The following CADPS2 variants were observed in gnomAD, a reference collection of about 807,000 sequenced individuals.
CADPS2 encodes calcium dependent secretion activator 2.
In CADPS2, 93 loss-of-function variants were observed where a neutral mutation model predicts 172.5. That is an observed-to-expected ratio of 0.54 (90% CI 0.46 to 0.64). The LOEUF is 0.64. CADPS2 is among the 30% of genes least tolerant of loss of function. The probability of loss-of-function intolerance (pLI) is 0.00; values close to 1 mark genes in which losing one functional copy is unlikely to be tolerated. For missense variants in CADPS2, 1,420 were observed against 1,565.9 expected (o/e 0.91, Z 1.57); for synonymous variants, 546 against 555.2 (o/e 0.98, Z 0.23).
At chr7:122,346,971 T>C (rs1347154528) in intron 27 of CADPS2, among the ~76,000 whole-genome samples, 1 of 152,190 alleles carries the variant, frequency 6.6e-6, no homozygotes, top group Non-Finnish European at 1.5e-5. Context: ...TAACTATCTA[T>C]CACTAGGTAG....
intron 1 of CADPS2, among the ~76,000 whole-genome samples, chr7:122,865,932 AAAG>A (rs1818200692): frequency 6.6e-6 from 1 of 152,230 alleles, no homozygotes; most frequent in Non-Finnish European, 1.5e-5. Flanking sequence ...GAAGTACTGT[AAAG>A]ACTAAAGTCT....
chr7:122,432,647 A>AAAAT (rs1563323839), intron 17 of CADPS2, among the ~76,000 whole-genome samples: 1 of 150,624 alleles, frequency 6.6e-6, no homozygotes, highest in Non-Finnish European at 1.5e-5. Flanking sequence ...TTAAAATAAA[A>AAAAT]AAAAAAAAAA....
chr7:122,711,359 T>A (rs560480472), intron 2 of CADPS2, among the ~76,000 whole-genome samples: 2 of 152,244 alleles, frequency 1.3e-5, no homozygotes, highest in South Asian at 2.1e-4. Flanking sequence ...TCTCAAGATA[T>A]TTAAATATAG....
chr7:122,477,104 T>C (rs568173342), intron 12 of CADPS2, among the ~76,000 whole-genome samples: 1 of 146,480 alleles, frequency 6.8e-6, no homozygotes, highest in Admixed American at 6.8e-5. Flanking sequence ...GGTAGGTAGA[T>C]AGGCTGTGTT....
intron 1 of CADPS2, among the ~76,000 whole-genome samples, chr7:122,813,325 T>C (rs1800510418): frequency 6.6e-6 from 1 of 152,148 alleles, no homozygotes; most frequent in African/African-American, 2.4e-5. Flanking sequence ...TAATTTTCTA[T>C]ACAAGTCCAA....
At chr7:122,702,678 G>C (rs886169027) in intron 2 of CADPS2, 1 of 1,612,924 alleles carries the variant, frequency 6.2e-7, no homozygotes, top group Admixed American at 1.7e-5. Flanking sequence ...CTAAGTAGTA[G>C]AAAGATACTA....
rs1037481947 is a variant in CADPS2, at chr7:122,631,934, G to T, written c.787-2606C>A. ...TTAGCTTTCATTTATAAGTGAGAAT[G>T]TGTGATATTTGGTTTTATGTTAAGG... is the stretch of plus-strand genomic sequence containing the variant. On this transcript the variant is annotated intron_variant, in intron 3 of 29. Coordinates refer to ENST00000449022, the MANE Select transcript of CADPS2 (RefSeq NM_017954.11). Among the ~76,000 whole-genome samples the T allele has an allele frequency of 3.9e-5, 6 of 152,120 alleles. No individual in the cohort carries two copies. In the South Asian group the frequency reaches 1.2e-3, roughly 32 times the overall value.
chr7:122,699,851 T>A (rs1588521712), intron 2 of CADPS2, among the ~76,000 whole-genome samples: 1 of 152,204 alleles, frequency 6.6e-6, no homozygotes, highest in Non-Finnish European at 1.5e-5. Flanking sequence ...ATAGTCATAT[T>A]AGTTTGGCAC....
At chr7:122,324,741 C>T (rs750167083) in intron 29 of CADPS2, among the ~76,000 whole-genome samples, 1 of 151,960 alleles carries the variant, frequency 6.6e-6, no homozygotes, top group Non-Finnish European at 1.5e-5. Context: ...ATGTTTTCTG[C>T]CATAAGGTGA....
chr7:122,553,538 C>T (rs73433748), intron 8 of CADPS2, among the ~76,000 whole-genome samples: 1 of 152,076 alleles, frequency 6.6e-6, no homozygotes, highest in Non-Finnish European at 1.5e-5. Context: ...CCTACTAAAC[C>T]AAAAAGCAAT....
At chr7:122,743,610 C>T (rs2092594400) in intron 1 of CADPS2, among the ~76,000 whole-genome samples, 1 of 152,092 alleles carries the variant, frequency 6.6e-6, no homozygotes, top group African/African-American at 2.4e-5. Flanking sequence ...TGTGCATTTA[C>T]CTCATGTCAA....
At chr7:122,371,836 G>T (rs1288852102) in intron 25 of CADPS2, among the ~76,000 whole-genome samples, 3 of 152,128 alleles carry the variant, frequency 2.0e-5, no homozygotes, top group Non-Finnish European at 4.4e-5. Context: ...TTACAATGGG[G>T]TGATCAGTAC....
chr7:122,494,001 C>A (rs1041525092), intron 9 of CADPS2, among the ~76,000 whole-genome samples: 2 of 151,974 alleles, frequency 1.3e-5, no homozygotes, highest in African/African-American at 4.8e-5. Flanking sequence ...TTTAATCAAA[C>A]GCTAATTTAA....
At chr7:122,739,785 G>A (rs1424082222) in intron 1 of CADPS2, among the ~76,000 whole-genome samples, 2 of 152,174 alleles carry the variant, frequency 1.3e-5, no homozygotes, top group South Asian at 2.1e-4. Context: ...ACTGGGGATA[G>A]CTGTCAGAAA....
At chr7:122,450,055 A>C (rs1160005074) in intron 15 of CADPS2, among the ~76,000 whole-genome samples, 1 of 152,192 alleles carries the variant, frequency 6.6e-6, no homozygotes, top group Non-Finnish European at 1.5e-5. Context: ...ATTATCAGGA[A>C]ACATAACAAA....
At chr7:122,484,672 T>C (rs1337571280) in intron 11 of CADPS2, among the ~76,000 whole-genome samples, 1 of 151,984 alleles carries the variant, frequency 6.6e-6, no homozygotes, top group Non-Finnish European at 1.5e-5. Flanking sequence ...ATTTCTTTTT[T>C]TTTTTTTCTG....
At chr7:122,677,855 T>G (rs2082549211) in intron 2 of CADPS2, among the ~76,000 whole-genome samples, 1 of 152,186 alleles carries the variant, frequency 6.6e-6, no homozygotes, top group African/African-American at 2.4e-5. Flanking sequence ...AATGGATTGG[T>G]AAGGATTAGG....
chr7:122,663,666 C>T, intron 2 of CADPS2, 97 bp from the exon 3 acceptor site: 4 of 867,394 alleles, frequency 4.6e-6, no homozygotes, highest in Non-Finnish European at 5.2e-6. Flanking sequence ...AGAGTTTCTA[C>T]AAATATTTCA....
intron 2 of CADPS2, chr7:122,702,695 A>C: frequency 1.1e-5 from 17 of 1,612,804 alleles, no homozygotes; most frequent in Non-Finnish European, 1.4e-5. Flanking sequence ...ACTAAGCCTC[A>C]AAAGTCCAGA....
Sources: allele counts gnomAD v4.1 joint callset (sites outside exome capture counted in the v4.1 genomes callset), GRCh38; gene constraint gnomAD v4.1.1; transcripts MANE v1.5; gene names NCBI Gene and HGNC (gene_info 2026-07-23, HGNC 2026-07-21).